PDE4B: variants seen among roughly 807,000 people sequenced by gnomAD.
PDE4B encodes the protein 3',5'-cyclic-AMP phosphodiesterase 4B.
In PDE4B, 20 loss-of-function variants were observed where a neutral mutation model predicts 82.2. The observed-to-expected ratio is 0.24, with a 90% CI of 0.17 to 0.35. The LOEUF (loss-of-function observed/expected upper bound fraction) is 0.35, where lower values mean the gene tolerates loss of function less well. Ranked by LOEUF, PDE4B falls within the 10% of genes least tolerant of loss-of-function variation. The pLI is 1.00. For missense variants in PDE4B, 655 were observed against 907.2 expected (o/e 0.72, Z 3.57); for synonymous variants, 320 against 318.9 (o/e 1.00, Z -0.04).
At chr1:65,900,881 A>G (rs1646964052) in intron 1 of PDE4B, among the ~76,000 whole-genome samples, 1 of 152,110 alleles carries the variant, frequency 6.6e-6, no homozygotes, top group Non-Finnish European at 1.5e-5. Flanking sequence ...TTTTCTCTGT[A>G]TATACTCATA....
Position 65,805,777 on chromosome 1 carries a change from C to T in PDE4B, c.-71+12529C>T, listed in dbSNP as rs1645748031. 2.0e-5 allele frequency among the ~76,000 whole-genome samples: 3 copies of T among 152,084 alleles called. 1 individual carries two copies. The highest frequency in any genetic ancestry group is 2.0e-4 in the Admixed American group (3 of 15,270). On this transcript the variant is annotated intron_variant, in intron 1 of 16. Transcript: ENST00000341517. ...GCCATTTTACTCAGAATTTTGAAGG[C>T]ATATTTCCATGTCTGTTGGCTGTCA...
intron 3 of PDE4B, chr1:65,993,226 A>G: frequency 9.2e-7 from 1 of 1,081,452 alleles, no homozygotes. Context: ...AAAATGGAAC[A>G]TTTGAGTTTT....
chr1:66,004,824 T>C (rs773762247), intron 3 of PDE4B, among the ~76,000 whole-genome samples: 50 of 152,046 alleles, frequency 3.3e-4, no homozygotes, highest in Non-Finnish European at 4.0e-4. Flanking sequence ...ACTTACAAAC[T>C]GTTTATTTAT....
At chr1:66,371,766 T>A (rs1157707746) in intron 16 of PDE4B, among the ~76,000 whole-genome samples, 1 of 152,158 alleles carries the variant, frequency 6.6e-6, no homozygotes, top group Non-Finnish European at 1.5e-5. Flanking sequence ...CCTCATCACT[T>A]TGGAATAGCA....
At chr1:66,276,461 A>G (rs762350197) in intron 7 of PDE4B, among the ~76,000 whole-genome samples, 4 of 152,244 alleles carry the variant, frequency 2.6e-5, no homozygotes, top group Non-Finnish European at 5.9e-5. Context: ...TAGCTTATCA[A>G]GAAGGGGATG....
At chr1:66,199,226 G>A (rs782416) in intron 3 of PDE4B, among the ~76,000 whole-genome samples, 150,548 of 151,412 alleles carry the variant, frequency 0.99, 74,852 homozygotes, top group Middle Eastern at 1. Flanking sequence ...CAGTCCCACC[G>A]ACAGTGTAAA....
chr1:66,308,343 T>G (rs926473100), intron 7 of PDE4B, among the ~76,000 whole-genome samples: 1 of 152,080 alleles, frequency 6.6e-6, no homozygotes, highest in African/African-American at 2.4e-5. Context: ...TTCCGGAAAC[T>G]TATTATTGAA....
At chr1:66,262,870 A>G (rs1055268767) in intron 6 of PDE4B, among the ~76,000 whole-genome samples, 9 of 152,214 alleles carry the variant, frequency 5.9e-5, no homozygotes, top group African/African-American at 1.9e-4. Flanking sequence ...TTTGTATAGT[A>G]TGAGTAATTT....
chr1:65,820,973 C>A (rs1293608262), intron 1 of PDE4B, among the ~76,000 whole-genome samples: 1 of 152,178 alleles, frequency 6.6e-6, no homozygotes, highest in East Asian at 1.9e-4. Context: ...TGGGCCCCAG[C>A]CCAGGAAATT....
At chr1:66,095,117 A>G (rs763517966) in intron 3 of PDE4B, among the ~76,000 whole-genome samples, 1 of 151,954 alleles carries the variant, frequency 6.6e-6, no homozygotes, top group Non-Finnish European at 1.5e-5. Context: ...TACAAGCATC[A>G]TTCATCTTGG....
At chr1:66,301,179 T>A (rs1249273589) in intron 7 of PDE4B, among the ~76,000 whole-genome samples, 1 of 137,992 alleles carries the variant, frequency 7.2e-6, no homozygotes, top group Non-Finnish European at 1.7e-5. Flanking sequence ...TTACCAATAT[T>A]AGAGAAGCAG....
chr1:66,021,168 A>G (rs558275947), intron 3 of PDE4B, among the ~76,000 whole-genome samples: 1 of 151,660 alleles, frequency 6.6e-6, no homozygotes, highest in South Asian at 2.1e-4. Flanking sequence ...GGGTTGTTTG[A>G]TTTTTTCTTG....
intron 3 of PDE4B, among the ~76,000 whole-genome samples, chr1:65,942,500 C>T (rs902697621): frequency 1.3e-5 from 2 of 151,870 alleles, no homozygotes; most frequent in African/African-American, 4.8e-5. Context: ...CATGGTAGTG[C>T]AGATATTCAA....
chr1:66,031,241 G>C (rs1304605786), intron 3 of PDE4B, among the ~76,000 whole-genome samples: 1 of 152,152 alleles, frequency 6.6e-6, no homozygotes, highest in Non-Finnish European at 1.5e-5. Context: ...TTTTAGGTGA[G>C]AGGAAAACAC....
chr1:66,280,264 A>G (rs894776473), intron 7 of PDE4B, among the ~76,000 whole-genome samples: 1 of 152,258 alleles, frequency 6.6e-6, no homozygotes, highest in African/African-American at 2.4e-5. Flanking sequence ...ACACCTTGAC[A>G]GTGCGCAAGT....
intron 7 of PDE4B, among the ~76,000 whole-genome samples, chr1:66,307,572 T>C (rs1043885515): frequency 6.6e-6 from 1 of 152,132 alleles, no homozygotes; most frequent in Non-Finnish European, 1.5e-5. Context: ...TGGGAATTTG[T>C]GAATAGTGGA....
intron 3 of PDE4B, among the ~76,000 whole-genome samples, chr1:66,026,855 C>T (rs1165970464): frequency 2.0e-5 from 3 of 152,188 alleles, no homozygotes; most frequent in African/African-American, 4.8e-5. Flanking sequence ...CCAATTATGG[C>T]GTCCTGAGGG....
rs185754531 is a variant in PDE4B, at chr1:65,933,471, T to C, written c.281+14636T>C. Among the ~76,000 whole-genome samples, 1,139 of 152,098 alleles carry C rather than the reference T, an allele frequency of 7.5e-3. 54 individuals carry two copies. Among genetic ancestry groups the C allele is most frequent in the Admixed American group, 0.062 (947 of 15,276 alleles). ...ATTTTGGGAGGCCACGGCGGGCGGA[T>C]CACTTGAGGTCAGGAGTTAAAGACC... On this transcript the variant is annotated intron_variant, in intron 3 of 16. Coordinates refer to ENST00000341517, the MANE Select transcript of PDE4B (RefSeq NM_002600.4).
intron 3 of PDE4B, among the ~76,000 whole-genome samples, chr1:65,995,312 A>G (rs2503189): frequency 0.053 from 8,013 of 152,210 alleles, 270 homozygotes; most frequent in Middle Eastern, 0.1. Flanking sequence ...CATGCTTAAC[A>G]TTTTTCAAAT....
Sources: gnomAD v4.1 joint callset for allele counts (sites outside exome capture counted in the v4.1 genomes callset) on GRCh38, gnomAD v4.1.1 for gene constraint, MANE v1.5 for transcripts, NCBI Gene and HGNC (gene_info 2026-07-23, HGNC 2026-07-21) for gene names.